The following TULP3 variants were observed in gnomAD, a reference collection of about 807,000 sequenced individuals.
TULP3 encodes TUB like protein 3.
In TULP3, 38 loss-of-function variants were observed where a neutral mutation model predicts 50.7. That is an observed-to-expected ratio of 0.75 (90% CI 0.58 to 0.98). The LOEUF is 0.98. Ranked by LOEUF, TULP3 falls within the 50% of genes least tolerant of loss-of-function variation. TULP3 has a pLI of 0.00. For synonymous variants in TULP3, 183 were observed against 196.6 expected, an observed-to-expected ratio of 0.93 and a Z score of 0.58; for missense variants, 550 against 568.0, an observed-to-expected ratio of 0.97 and a Z score of 0.32.
At chr12:2,915,545 G>GC in intron 2 of TULP3, among the ~76,000 whole-genome samples, 1 of 144,888 alleles carries the variant, frequency 6.9e-6, no homozygotes, top group East Asian at 2.0e-4. Context: ...TTTTTATTTT[G>GC]TTTTTTTTTT....
At chr12:2,905,875 G>A (rs191866621) in intron 1 of TULP3, among the ~76,000 whole-genome samples, 2 of 151,864 alleles carry the variant, frequency 1.3e-5, no homozygotes, top group East Asian at 4.0e-4. Context: ...CATGCCAGAA[G>A]TCATCACACC....
intron 1 of TULP3, among the ~76,000 whole-genome samples, chr12:2,900,073 A>T (rs1258187725): frequency 6.6e-6 from 1 of 151,704 alleles, no homozygotes; most frequent in Non-Finnish European, 1.5e-5. Flanking sequence ...AAAAAATAAA[A>T]AATTAACCAG....
At chr12:2,920,129 G>A (rs1176538355) in intron 2 of TULP3, among the ~76,000 whole-genome samples, 1 of 151,950 alleles carries the variant, frequency 6.6e-6, no homozygotes, top group Non-Finnish European at 1.5e-5. Flanking sequence ...TGTCCTCCGT[G>A]CATGTGTGTT....
intron 1 of TULP3, among the ~76,000 whole-genome samples, chr12:2,892,761 C>T (rs1603503626): frequency 6.6e-6 from 1 of 152,152 alleles, no homozygotes; most frequent in South Asian, 2.1e-4. Flanking sequence ...CTGCCCACCT[C>T]GGCCTCCCAA....
chr12:2,907,650 A>AC (rs1217171852), intron 1 of TULP3, among the ~76,000 whole-genome samples: 1 of 111,322 alleles, frequency 9.0e-6, no homozygotes, highest in Non-Finnish European at 1.8e-5. Flanking sequence ...TCTGTCTCAA[A>AC]AAAAAAAAAA....
intron 2 of TULP3, among the ~76,000 whole-genome samples, chr12:2,912,489 G>C (rs1311262675): frequency 6.6e-6 from 1 of 152,184 alleles, no homozygotes; most frequent in Non-Finnish European, 1.5e-5. Flanking sequence ...GGCAGAGGCT[G>C]GGGAAGCCCT....
rs146431356 is a variant in TULP3 at position 2,939,405 on chromosome 12, C to A, written c.1290C>A (p.Ile430=). ...YPLCAVQAFG[I]GLSSFDSKLA... is the part of the protein sequence containing the mutation. The stretch of plus-strand genomic sequence containing the variant: ...TTTGTGCAGTACAGGCCTTTGGCAT[C>A]GGTCTTTCTAGCTTTGACAGTAAGC... The change falls in exon 11 of 11, where the codon ATC becomes ATA. Residue 430 remains isoleucine, a synonymous_variant. Transcript: ENST00000448120. This position sits in a 1 kb window ranked among gnomAD's most constrained non-coding sequence, Gnocchi z 4.0. 2 of 1,614,172 alleles carry A rather than the reference C, an allele frequency of 1.2e-6. No homozygotes were observed. Among genetic ancestry groups the A allele is most frequent in the Non-Finnish European group, 1.7e-6 (2 of 1,180,032 alleles).
chr12:2,910,015 G>A (rs766582331), intron 2 of TULP3, among the ~76,000 whole-genome samples: 3 of 152,258 alleles, frequency 2.0e-5, no homozygotes, highest in East Asian at 1.9e-4. Context: ...TCGCAGGGCC[G>A]GGCACAGTGG....
chr12:2,926,522 A>C (rs2098194766), intron 4 of TULP3, among the ~76,000 whole-genome samples: 1 of 152,210 alleles, frequency 6.6e-6, no homozygotes, highest in African/African-American at 2.4e-5. Flanking sequence ...AGCAGAAGGA[A>C]AAAGTGTCCT....
chr12:2,929,479 TAAAA>T (rs941551899), intron 4 of TULP3, among the ~76,000 whole-genome samples: 7 of 152,200 alleles, frequency 4.6e-5, no homozygotes, highest in African/African-American at 1.7e-4. Flanking sequence ...CTAATTTTTT[TAAAA>T]AAACTTTTTA....
chr12:2,939,297 C>A lies in TULP3; in HGVS notation c.1196-14C>A, dbSNP rs962123503. Reference sequence around the variant, plus strand: ...ACATTATATTCTAACATGTTGATTTCTTTCTGTTTCTAGCTGATTATATAG... The same window carrying A: ...ACATTATATTCTAACATGTTGATTTATTTCTGTTTCTAGCTGATTATATAG... On this transcript the variant is annotated splice_polypyrimidine_tract_variant and intron_variant, in intron 10 of 10. Transcript: ENST00000448120. The surrounding 1 kb of genome is among the most constrained non-coding windows in gnomAD (Gnocchi z 4.0). The A allele has an allele frequency of 3.1e-6, 5 of 1,611,348 alleles. No homozygotes were observed. In the African/African-American group the frequency reaches 4.0e-5, roughly 13 times the overall value.
Position 2,939,909 on chromosome 12 carries a change from T to G in TULP3, c.*465T>G. 1 of 1,254,278 alleles carries G rather than the reference T, an allele frequency of 8.0e-7. No homozygotes were observed. Among genetic ancestry groups the G allele is most frequent in the South Asian group, 1.3e-5 (1 of 76,968 alleles). 77.7% of individuals were successfully genotyped at this position (1,254,278 alleles called of 1,614,324 possible). On this transcript the variant is annotated 3_prime_UTR_variant, in exon 11 of 11. Coordinates refer to ENST00000448120, the MANE Select transcript of TULP3 (RefSeq NM_003324.5). The surrounding 1 kb of genome is among the most constrained non-coding windows in gnomAD (Gnocchi z 4.0). ...AGAGATGATTTAAAGCACAGGGAGA[T>G]TCTTGTCACATTGGGGTCTCCAAAG...
At chr12:2,901,114 C>T (rs1340715530) in intron 1 of TULP3, among the ~76,000 whole-genome samples, 1 of 151,394 alleles carries the variant, frequency 6.6e-6, no homozygotes, top group African/African-American at 2.4e-5. Context: ...TTTGGGCCCC[C>T]TCCCCCCACC....
chr12:2,937,091 C>T (rs968812957), intron 8 of TULP3, among the ~76,000 whole-genome samples: 2 of 146,372 alleles, frequency 1.4e-5, no homozygotes, highest in African/African-American at 2.6e-5. Context: ...GGCGACAGAG[C>T]GTGACTCTGT....
chr12:2,899,025 T>G (rs2098177243), intron 1 of TULP3, among the ~76,000 whole-genome samples: 1 of 152,158 alleles, frequency 6.6e-6, no homozygotes, highest in Non-Finnish European at 1.5e-5. Context: ...AATATTATTC[T>G]TCAGATATTT....
At chr12:2,891,409 T>A (rs1212276165) in intron 1 of TULP3, among the ~76,000 whole-genome samples, 1 of 152,184 alleles carries the variant, frequency 6.6e-6, no homozygotes, top group African/African-American at 2.4e-5. Context: ...TAGCTTGTTC[T>A]GACGCCGCTG....
chr12:2,923,003 G>A lies in TULP3; in HGVS notation c.394+601G>A, dbSNP rs1418725753. Among the ~76,000 whole-genome samples the A allele has an allele frequency of 4.0e-5, 6 of 151,766 alleles. No homozygotes were observed. The East Asian group carries it at 7.8e-4, about 20-fold the overall frequency. ...TGAGTAGCTGGGACTACAGGCGCCC[G>A]CCACCACGCCTGGCTAATTTTTTGT... is the stretch of plus-strand genomic sequence containing the variant. On this transcript the variant is annotated intron_variant, in intron 4 of 10. Transcript: ENST00000448120.
chr12:2,914,733 C>T lies in TULP3; in HGVS notation c.93+5153C>T, dbSNP rs145034790. Among the ~76,000 whole-genome samples, 12 of 147,032 alleles carry T rather than the reference C, an allele frequency of 8.2e-5. No individual in the cohort carries two copies. In the East Asian group the frequency reaches 2.3e-3, roughly 28 times the overall value. On this transcript the variant is annotated intron_variant, in intron 2 of 10. Coordinates refer to ENST00000448120, the MANE Select transcript of TULP3 (RefSeq NM_003324.5). The stretch of plus-strand genomic sequence containing the variant: ...CTGCAACCTCTGCCTCCCAGATTCA[C>T]GTGATTTTTGTGCCTCAGCCTCCAG...
At chr12:2,938,852 A>G (rs1591540399) in intron 10 of TULP3, among the ~76,000 whole-genome samples, 1 of 152,238 alleles carries the variant, frequency 6.6e-6, no homozygotes, top group East Asian at 1.9e-4. Flanking sequence ...ACCCCAATAA[A>G]GGTTCCTGGC....
Sources: gnomAD v4.1 joint callset for allele counts (sites outside exome capture counted in the v4.1 genomes callset) on GRCh38, gnomAD v4.1.1 for gene constraint, Gnocchi (gnomAD v3.1) non-coding constraint, MANE v1.5 for transcripts, NCBI Gene and HGNC (gene_info 2026-07-23, HGNC 2026-07-21) for gene names.